The following LRRFIP1 variants were observed in gnomAD, a reference collection of about 807,000 sequenced individuals.
LRRFIP1 encodes the protein LRR binding FLII interacting protein 1, also known as leucine-rich repeat flightless-interacting protein 1.
Under a neutral mutation model 104.4 loss-of-function variants are expected in LRRFIP1, and 62 were observed. That is an observed-to-expected ratio of 0.59 (90% CI 0.48 to 0.73). The LOEUF is 0.73. Ranked by LOEUF, LRRFIP1 falls within the 30% of genes least tolerant of loss-of-function variation. The pLI, the probability that LRRFIP1 is intolerant of heterozygous loss-of-function variation, is 0.00. For missense variants in LRRFIP1, 796 were observed against 824.5 expected (o/e 0.97, Z 0.42); for synonymous variants, 300 against 299.0 (o/e 1.00, Z -0.03).
At chr2:237,672,137 TG>T (rs1367189215) in intron 1 of LRRFIP1, among the ~76,000 whole-genome samples, 9 of 151,728 alleles carry the variant, frequency 5.9e-5, no homozygotes, top group African/African-American at 1.9e-4. Context: ...CTGAAAAAAA[TG>T]TTTTTTTTCC....
At chr2:237,677,281 T>C (rs756761320) in intron 1 of LRRFIP1, among the ~76,000 whole-genome samples, 1 of 152,224 alleles carries the variant, frequency 6.6e-6, no homozygotes, top group Non-Finnish European at 1.5e-5. Context: ...GTTGGAATCA[T>C]ACAGCATTTG....
intron 23 of LRRFIP1, among the ~76,000 whole-genome samples, chr2:237,776,040 C>T (rs2061067226): frequency 6.6e-6 from 1 of 152,102 alleles, no homozygotes; most frequent in Non-Finnish European, 1.5e-5. Context: ...TCTCGGCTCA[C>T]TGCAACCTCC....
In LRRFIP1 at chr2:237,695,925, T is replaced by C. The variant is rs1416200315; in HGVS notation, c.97-12619T>C. On this transcript the variant is annotated intron_variant, in intron 1 of 23. Coordinates refer to ENST00000308482, the MANE Select transcript of LRRFIP1 (RefSeq NM_001137550.2). ...TTCAAAATTGCCATGTATTTGATTA[T>C]AGACCAGTAGTATAATCCCCCTGCC... is the stretch of plus-strand genomic sequence containing the variant. Among the ~76,000 whole-genome samples the C allele has an allele frequency of 2.0e-5, 3 of 152,196 alleles. No individual in the cohort carries two copies. In the South Asian group the frequency reaches 6.2e-4, roughly 31 times the overall value.
At chr2:237,779,375 G>A (rs2061359352) in intron 23 of LRRFIP1, 47 bp from the exon 24 acceptor site, 1 of 1,598,716 alleles carries the variant, frequency 6.3e-7, no homozygotes, top group African/African-American at 1.3e-5. Context: ...TGTTATGTTT[G>A]GAGGAAACAA....
chr2:237,642,916 G>A (rs1246284269), intron 1 of LRRFIP1, among the ~76,000 whole-genome samples: 1 of 152,214 alleles, frequency 6.6e-6, no homozygotes, highest in African/African-American at 2.4e-5. Flanking sequence ...TACCTGGAGA[G>A]GGAAGGAAGG....
intron 19 of LRRFIP1, chr2:237,763,583 A>G (rs777607373): frequency 4.3e-6 from 7 of 1,613,224 alleles, no homozygotes. Context: ...GGAAGCCCAA[A>G]ACGAGGTGAC....
At chr2:237,746,113 C>T (rs1174629046) in intron 11 of LRRFIP1, among the ~76,000 whole-genome samples, 2 of 149,268 alleles carry the variant, frequency 1.3e-5, no homozygotes, top group Non-Finnish European at 3.0e-5. Context: ...GGCTGGATTG[C>T]AGTGGCATGA....
intron 10 of LRRFIP1, among the ~76,000 whole-genome samples, chr2:237,738,590 A>G (rs2095324299): frequency 6.6e-6 from 1 of 152,244 alleles, no homozygotes; most frequent in South Asian, 2.1e-4. Context: ...ATCTAAGACT[A>G]GCAGATGTGA....
At chr2:237,670,841 A>G (rs768815238) in intron 1 of LRRFIP1, among the ~76,000 whole-genome samples, 1 of 152,194 alleles carries the variant, frequency 6.6e-6, no homozygotes, top group African/African-American at 2.4e-5. Flanking sequence ...AAGCAAGCAC[A>G]TGGAAGCGTG....
intron 1 of LRRFIP1, among the ~76,000 whole-genome samples, chr2:237,633,493 G>A (rs1348933299): frequency 1.3e-5 from 2 of 148,992 alleles, no homozygotes; most frequent in Non-Finnish European, 2.9e-5. Flanking sequence ...CCACTCGTTG[G>A]CCTGGTACTC....
At chr2:237,705,187 A>C (rs1240312746) in intron 1 of LRRFIP1, among the ~76,000 whole-genome samples, 1 of 152,120 alleles carries the variant, frequency 6.6e-6, no homozygotes, top group Non-Finnish European at 1.5e-5. Flanking sequence ...CAGGCGGGGA[A>C]GTGGGTGGGC....
chr2:237,667,993 C>A (rs2089731185), intron 1 of LRRFIP1, among the ~76,000 whole-genome samples: 1 of 152,166 alleles, frequency 6.6e-6, no homozygotes, highest in Non-Finnish European at 1.5e-5. Flanking sequence ...TGGATGCCCT[C>A]ATGTCCTGCC....
At chr2:237,769,914 C>A (rs746140135) in intron 19 of LRRFIP1, 29 bp from the exon 20 acceptor site, 2 of 1,571,200 alleles carry the variant, frequency 1.3e-6, no homozygotes, top group South Asian at 1.2e-5. Flanking sequence ...GCGGATTCAC[C>A]TAAACCTGTG....
At chr2:237,779,205 T>C (rs974830846) in intron 23 of LRRFIP1, 9 of 329,994 alleles carry the variant, frequency 2.7e-5, no homozygotes, top group Middle Eastern at 1.5e-3. Flanking sequence ...CTGAGCGAGA[T>C]TCCATCTCAA....
intron 14 of LRRFIP1, among the ~76,000 whole-genome samples, chr2:237,752,066 T>C (rs1169311770): frequency 6.6e-6 from 1 of 152,168 alleles, no homozygotes; most frequent in Non-Finnish European, 1.5e-5. Flanking sequence ...TCTGCCACCT[T>C]TCCTGAAAGG....
rs1317036869 is a variant in LRRFIP1 at position 237,753,454 on chromosome 2, G to A, written c.1013G>A (p.Arg338Lys). The A allele has an allele frequency of 6.3e-7, 1 of 1,593,616 alleles. No individual in the cohort carries two copies. The highest frequency in any genetic ancestry group is 1.9e-5 in the Admixed American group (1 of 52,428). The change falls in exon 15 of 24, where the codon AGG becomes AAG. Residue 338 changes from arginine (R) to lysine (K), a missense_variant. Coordinates refer to ENST00000308482, the MANE Select transcript of LRRFIP1 (RefSeq NM_001137550.2). ...LELEEQLAES[R>K]RQYEEKNKEF... ...CTTGAAGAACAGCTGGCTGAATCTA[G>A]GCGGCAGTACGAAGAGAAAAACAAA...
At position 237,698,947 on chromosome 2, in the gene LRRFIP1, C is replaced by T. The variant is rs559420233; in HGVS notation, c.97-9597C>T. On this transcript the variant is annotated intron_variant, in intron 1 of 23. Coordinates refer to ENST00000308482, the MANE Select transcript of LRRFIP1 (RefSeq NM_001137550.2). ...CGCACATAATTTCGAGTCAATATAA[C>T]ATTTCCTTAAAAAATAAAATACAGG... 3.9e-5 allele frequency among the ~76,000 whole-genome samples: 6 copies of T among 152,314 alleles called. No individual in the cohort carries two copies. The South Asian group carries it at 1.2e-3, about 32-fold the overall frequency.
Position 237,713,089 on chromosome 2 carries a change from G to T in LRRFIP1, c.184-1170G>T, listed in dbSNP as rs754324980. 9.2e-5 allele frequency among the ~76,000 whole-genome samples: 14 copies of T among 152,158 alleles called. 1 individual carries two copies. The highest frequency in any genetic ancestry group is 6.8e-3 in the Middle Eastern group (2 of 294). ...TTGAGGGGGCCGCTCTGAGAACACC[G>T]AGAAGGGCAGGAAGCTGACCGGGGT... is the stretch of plus-strand genomic sequence containing the variant. On this transcript the variant is annotated intron_variant, in intron 2 of 23. Transcript: ENST00000308482.
In LRRFIP1 at chr2:237,661,441, C is replaced by A. The variant is rs2087927156; in HGVS notation, c.96+33701C>A. Among the ~76,000 whole-genome samples the A allele has an allele frequency of 6.6e-6, 1 of 152,198 alleles. No homozygotes were observed. The highest frequency in any genetic ancestry group is 6.5e-5 in the Admixed American group (1 of 15,278). On this transcript the variant is annotated intron_variant, in intron 1 of 23. Coordinates refer to ENST00000308482, the MANE Select transcript of LRRFIP1 (RefSeq NM_001137550.2). This position sits in a 1 kb window ranked among gnomAD's most constrained non-coding sequence, Gnocchi z 4.4. ...TGGAAACTTTTTGTTCCCCAAAGCC[C>A]TCCAGCTGGCCGGGCTGCCCTCCCC...
Sources: allele counts gnomAD v4.1 joint callset (sites outside exome capture counted in the v4.1 genomes callset), GRCh38; gene constraint gnomAD v4.1.1; non-coding constraint Gnocchi (gnomAD v3.1); transcripts MANE v1.5; gene names NCBI Gene and HGNC (gene_info 2026-07-23, HGNC 2026-07-21).